The following ACRBP variants were observed in gnomAD, a reference collection of about 807,000 sequenced individuals.
ACRBP encodes the protein acrosin-binding protein.
ACRBP carries 52 observed loss-of-function variants against 69.0 expected under a neutral mutation model. The ratio of observed to expected loss-of-function variants is 0.75; its 90% CI spans 0.60 to 0.95. The LOEUF (loss-of-function observed/expected upper bound fraction) is 0.95, where lower values mean the gene tolerates loss of function less well. Among genes scored for constraint, ACRBP ranks in the 40% least tolerant of loss-of-function variants. The probability of loss-of-function intolerance (pLI) is 0.00; values close to 1 mark genes in which losing one functional copy is unlikely to be tolerated. For missense variants in ACRBP, 604 were observed against 673.0 expected (o/e 0.90, Z 1.13); for synonymous variants, 267 against 258.9 (o/e 1.03, Z -0.30).
At chr12:6,638,787 T>C in intron 9 of ACRBP, 167 bp downstream of exon 9, 1 of 1,465,906 alleles carries the variant, frequency 6.8e-7, no homozygotes, top group Non-Finnish European at 9.0e-7. Flanking sequence ...CCGCCAGGAC[T>C]GGAGGAATGG....
At chr12:6,639,871 G>T (rs543745467) in intron 8 of ACRBP, among the ~76,000 whole-genome samples, 189 bp downstream of exon 8, 1 of 152,158 alleles carries the variant, frequency 6.6e-6, no homozygotes, top group African/African-American at 2.4e-5. Context: ...TCCTTTGCCT[G>T]CTCTATTGGT....
chr12:6,645,827 A>C (rs1328878304), intron 3 of ACRBP, among the ~76,000 whole-genome samples: 3 of 140,900 alleles, frequency 2.1e-5, no homozygotes, highest in Admixed American at 1.4e-4. Flanking sequence ...CGCCCAGCTA[A>C]TTTTTTGTAT....
At position 6,646,947 on chromosome 12, in the gene ACRBP, G is replaced by A; in HGVS notation, c.109C>T (p.Pro37Ser). ...CGTTCGTATTCGGTAGGAGAGAGAGGGCTGCCTGGAGTGGAGGCCTGAGTC... is the reference window on the plus strand; with the variant it reads ...CGTTCGTATTCGGTAGGAGAGAGAGAGCTGCCTGGAGTGGAGGCCTGAGTC... Reference protein sequence around the residue: ...DSTQASTPGSPLSPTEYERFF... With the variant: ...DSTQASTPGSSLSPTEYERFF... Residue 37 changes from proline to serine, a missense_variant, in exon 2 of 10, where the codon CCT becomes TCT. Pro to Ser is a moderately conservative substitution (Grantham distance 74). Around this residue, in one of 3 missense-constraint regions of ACRBP, gnomAD observed 532 missense variants for 562.9 expected, o/e 0.95. Coordinates refer to ENST00000229243, the MANE Select transcript of ACRBP (RefSeq NM_032489.3). 6 of 1,613,656 alleles carry A rather than the reference G, an allele frequency of 3.7e-6. No individual in the cohort carries two copies. The highest frequency in any genetic ancestry group is 5.1e-6 in the Non-Finnish European group (6 of 1,180,020).
chr12:6,645,395 G>T, intron 3 of ACRBP, 58 bp from the exon 4 acceptor site: 2 of 1,359,554 alleles, frequency 1.5e-6, no homozygotes, highest in Non-Finnish European at 2.1e-6. Context: ...TTCTGCTCCA[G>T]CTGGTTCTTC....
rs866331954 is a variant in ACRBP, at chr12:6,643,595, G to A, written c.1021C>T (p.Pro341Ser). The change falls in exon 6 of 10, where the codon CCC becomes TCC. Residue 341 changes from proline (P) to serine (S), a missense_variant. Transcript: ENST00000229243. ...SIVENTCIIT[P>S]TAKAWKYMEE... ...ATGTACTTCCAGGCCTTGGCTGTGG[G>A]GGTTATGATGCAGGTATTCTCCACG... 6.2e-7 allele frequency: 1 copy of A among 1,614,222 alleles called. No homozygotes were observed. The highest frequency in any genetic ancestry group is 8.5e-7 in the Non-Finnish European group (1 of 1,180,044).
At chr12:6,642,548 A>G (rs1384373041) in intron 6 of ACRBP, among the ~76,000 whole-genome samples, 1 of 152,186 alleles carries the variant, frequency 6.6e-6, no homozygotes, top group Non-Finnish European at 1.5e-5. Context: ...TTTCCCACAA[A>G]TCAGTCACAG....
intron 6 of ACRBP, among the ~76,000 whole-genome samples, chr12:6,641,329 G>A (rs1949051496): frequency 6.6e-6 from 1 of 152,194 alleles, no homozygotes; most frequent in Non-Finnish European, 1.5e-5. Flanking sequence ...CATGGGCACA[G>A]CCTGTCACAG....
chr12:6,643,611 A>G lies in ACRBP; in HGVS notation c.1005T>C (p.Asn335=). 6.2e-7 allele frequency: 1 copy of G among 1,614,204 alleles called. No individual in the cohort carries two copies. Among genetic ancestry groups the G allele is most frequent in the Non-Finnish European group, 8.5e-7 (1 of 1,180,038 alleles). The change falls in exon 6 of 10, where the codon AAT becomes AAC. Residue 335 remains asparagine, a synonymous_variant. Coordinates refer to ENST00000229243, the MANE Select transcript of ACRBP (RefSeq NM_032489.3). The stretch of plus-strand genomic sequence containing the variant: ...TGGCTGTGGGGGTTATGATGCAGGT[A>G]TTCTCCACGATCGAATAGCACAGCA... The part of the protein sequence containing the change: ...LLVLCYSIVE[N]TCIITPTAKA...
In ACRBP at chr12:6,647,377, G is replaced by A; in HGVS notation, c.-11C>T. 6.5e-7 allele frequency: 1 copy of A among 1,528,002 alleles called. No individual in the cohort carries two copies. The highest frequency in any genetic ancestry group is 1.4e-5 in the African/African-American group (1 of 71,834). 94.7% of individuals were successfully genotyped at this position (1,528,002 alleles called of 1,614,324 possible). A position where few individuals can be genotyped will look rare whatever the true frequency, so the allele number is the denominator to read the frequency against. ...GGCTGGCTTCCTCATGGCCGGAGAAGATCCGCCCGCGTCCCGTGGACACAA... is the reference window on the plus strand; with the variant it reads ...GGCTGGCTTCCTCATGGCCGGAGAAAATCCGCCCGCGTCCCGTGGACACAA... On this transcript the variant is annotated 5_prime_UTR_variant, in exon 1 of 10. Transcript: ENST00000229243.
intron 5 of ACRBP, 61 bp from the exon 6 acceptor site, chr12:6,643,732 C>T: frequency 2.5e-6 from 4 of 1,591,514 alleles, no homozygotes; most frequent in Non-Finnish European, 3.4e-6. Context: ...GAAACTACAT[C>T]CAGTCTCTTC....
intron 1 of ACRBP, 49 bp downstream of exon 1, chr12:6,647,275 A>G (rs754072215): frequency 4.6e-6 from 7 of 1,524,972 alleles, no homozygotes; most frequent in Middle Eastern, 1.7e-4. Context: ...CTCGGGAGGG[A>G]GAGGACTAGC....
In ACRBP at chr12:6,638,979, CACT is replaced by C; in HGVS notation, c.1481_1483del (p.Gln494_Cys495delinsArg). The stretch of plus-strand genomic sequence containing the variant: ...CTTCCGATTGCGGTTTCTCATCAGA[CACT>C]GCTGGCTTTTGAAGGAACAGTAGTT... On this transcript the variant is annotated inframe_deletion, in exon 9 of 10. Coordinates refer to ENST00000229243, the MANE Select transcript of ACRBP (RefSeq NM_032489.3). 1 of 1,614,178 alleles carries C rather than the reference CACT, an allele frequency of 6.2e-7. No homozygotes were observed. The highest frequency in any genetic ancestry group is 8.5e-7 in the Non-Finnish European group (1 of 1,180,034).
chr12:6,639,802 C>T (rs1298878186), intron 8 of ACRBP, among the ~76,000 whole-genome samples: 3 of 152,186 alleles, frequency 2.0e-5, no homozygotes, highest in Non-Finnish European at 4.4e-5. Context: ...CAGCAAGTAA[C>T]TGGCAGAGTT....
At chr12:6,638,670 C>T in intron 9 of ACRBP, 2 of 1,411,808 alleles carry the variant, frequency 1.4e-6, no homozygotes, top group Non-Finnish European at 1.8e-6. Context: ...GAAGAGGAGA[C>T]AGACCGAGAC....
In ACRBP at chr12:6,643,595, G is replaced by C. The variant is rs866331954; in HGVS notation, c.1021C>G (p.Pro341Ala). 2 of 1,614,222 alleles carry C rather than the reference G, an allele frequency of 1.2e-6. No homozygotes were observed. The highest frequency in any genetic ancestry group is 4.5e-5 in the East Asian group (2 of 44,886). The change falls in exon 6 of 10, where the codon CCC (proline) becomes GCC (alanine). Residue 341 changes from proline to alanine, a missense_variant. Coordinates refer to ENST00000229243, the MANE Select transcript of ACRBP (RefSeq NM_032489.3). ...SIVENTCIIT[P>A]TAKAWKYMEE... ...ATGTACTTCCAGGCCTTGGCTGTGGGGGTTATGATGCAGGTATTCTCCACG... is the reference window on the plus strand; with the variant it reads ...ATGTACTTCCAGGCCTTGGCTGTGGCGGTTATGATGCAGGTATTCTCCACG...
intron 3 of ACRBP, 128 bp from the exon 4 acceptor site, chr12:6,645,465 C>G (rs1053435702): frequency 3.8e-5 from 28 of 734,758 alleles, no homozygotes; most frequent in Non-Finnish European, 5.6e-5. Context: ...GGGACATGGT[C>G]CCTGCTGGAA....
intron 6 of ACRBP, 109 bp downstream of exon 6, chr12:6,643,430 C>T: frequency 6.9e-7 from 1 of 1,451,440 alleles, no homozygotes; most frequent in African/African-American, 1.4e-5. Flanking sequence ...ATCTCTCCAG[C>T]TATGTCTCAT....
chr12:6,638,772 T>A, intron 9 of ACRBP, 182 bp downstream of exon 9: 1 of 1,446,422 alleles, frequency 6.9e-7, no homozygotes, highest in Non-Finnish European at 9.1e-7. Context: ...AGGAGGGCCT[T>A]GCTTCCGCCA....
rs751546130 is a variant in ACRBP at position 6,640,129 on chromosome 12, T to A, written c.1356A>T (p.Glu452Asp). The A allele has an allele frequency of 6.8e-6, 11 of 1,614,100 alleles. No homozygotes were observed. The Admixed American group carries it at 1.2e-4, about 17-fold the overall frequency. The change falls in exon 8 of 10, where the codon GAA becomes GAT. Residue 452 changes from glutamate to aspartate, a missense_variant. Physicochemically the swap from Glu to Asp is conservative, Grantham distance 45 (BLOSUM62 2). Coordinates refer to ENST00000229243, the MANE Select transcript of ACRBP (RefSeq NM_032489.3). This position sits in a 1 kb window ranked among gnomAD's most constrained non-coding sequence, Gnocchi z 5.3. Reference sequence around the variant, plus strand: ...GGAGCCACCCAGAGACTCGGACATCTTCACAGCCTTTCGTGGCAAGCCGGG... The same window carrying A: ...GGAGCCACCCAGAGACTCGGACATCATCACAGCCTTTCGTGGCAAGCCGGG... ...WCARLATKGC[E>D]DVRVSGWLQT... is the part of the protein sequence containing the mutation.
Sources: allele counts gnomAD v4.1 joint callset (sites outside exome capture counted in the v4.1 genomes callset), GRCh38; gene constraint gnomAD v4.1.1; regional missense constraint gnomAD v4.1.1; non-coding constraint Gnocchi (gnomAD v3.1); transcripts MANE v1.5; gene names NCBI Gene and HGNC (gene_info 2026-07-23, HGNC 2026-07-21).